Variants in CTHRC1 observed in about 807,000 individuals in gnomAD.
CTHRC1 encodes collagen triple helix repeat containing 1.
In CTHRC1, 21 loss-of-function variants were observed where a neutral mutation model predicts 25.9. The ratio of observed to expected loss-of-function variants is 0.81; its 90% CI spans 0.57 to 1.17. The LOEUF (loss-of-function observed/expected upper bound fraction) is 1.17. Among genes scored for constraint, CTHRC1 ranks in the 50% most tolerant of loss-of-function variants. The pLI is 0.00. For synonymous variants in CTHRC1, 109 were observed against 113.1 expected, an observed-to-expected ratio of 0.96 and a Z score of 0.23; for missense variants, 281 against 304.3, an observed-to-expected ratio of 0.92 and a Z score of 0.57.
chr8:103,374,561 A>C (rs1815771300), intron 1 of CTHRC1, among the ~76,000 whole-genome samples: 1 of 152,160 alleles, frequency 6.6e-6, no homozygotes, highest in African/African-American at 2.4e-5. Flanking sequence ...CAGCATTGGC[A>C]TGTATGGCTT....
At chr8:103,372,655 G>A (rs1303402164) in intron 1 of CTHRC1, 4 of 1,597,704 alleles carry the variant, frequency 2.5e-6, no homozygotes. Context: ...CTCATCTGTG[G>A]GAAGGTATGT....
intron 1 of CTHRC1, chr8:103,372,410 A>G: frequency 6.9e-7 from 1 of 1,451,434 alleles, no homozygotes; most frequent in South Asian, 1.4e-5. Flanking sequence ...TTGGACAACC[A>G]CAGCTGGGGC....
chr8:103,379,949 C>T (rs186699892), intron 3 of CTHRC1, among the ~76,000 whole-genome samples: 33 of 152,150 alleles, frequency 2.2e-4, no homozygotes, highest in African/African-American at 5.1e-4. Context: ...GCGTCTTACA[C>T]GGGACAGTAG....
At chr8:103,376,056 G>T in intron 2 of CTHRC1, 97 bp downstream of exon 2, 1 of 969,380 alleles carries the variant, frequency 1.0e-6, no homozygotes, top group South Asian at 1.4e-5. Flanking sequence ...TTAACTAAAA[G>T]ACTTAAAAAA....
intron 3 of CTHRC1, among the ~76,000 whole-genome samples, chr8:103,379,246 G>GTTTA (rs946299060): frequency 4.0e-5 from 6 of 151,886 alleles, no homozygotes; most frequent in African/African-American, 1.5e-4. Context: ...TTATGTATTT[G>GTTTA]TTTATTTATT....
At chr8:103,378,704 G>A (rs941720225) in intron 3 of CTHRC1, among the ~76,000 whole-genome samples, 4 of 152,164 alleles carry the variant, frequency 2.6e-5, no homozygotes, top group Non-Finnish European at 5.9e-5. Context: ...TGCAGACTTG[G>A]CAATGGGACT....
chr8:103,376,082 T>G, intron 2 of CTHRC1, 123 bp downstream of exon 2: 1 of 749,502 alleles, frequency 1.3e-6, no homozygotes, highest in Admixed American at 2.5e-5. Context: ...GTAGGTAGCA[T>G]GTGACTTTTA....
chr8:103,377,493 G>A (rs145167499), intron 2 of CTHRC1, among the ~76,000 whole-genome samples: 131 of 152,312 alleles, frequency 8.6e-4, no homozygotes, highest in Middle Eastern at 6.8e-3. Flanking sequence ...TCAATGGGGC[G>A]AAAAGTTCTG....
intron 2 of CTHRC1, among the ~76,000 whole-genome samples, chr8:103,377,635 A>G (rs1016300129): frequency 1.3e-5 from 2 of 152,146 alleles, no homozygotes; most frequent in Admixed American, 1.3e-4. Flanking sequence ...ACAGAGTCTC[A>G]CTTTTTTGCC....
chr8:103,381,502 A>G (rs1463969314), intron 3 of CTHRC1, among the ~76,000 whole-genome samples: 3 of 151,664 alleles, frequency 2.0e-5, no homozygotes, highest in Non-Finnish European at 2.9e-5. Flanking sequence ...GTAAGATGGA[A>G]TGCAACTTGT....
chr8:103,372,447 C>T (rs1586550233), intron 1 of CTHRC1: 4 of 1,536,598 alleles, frequency 2.6e-6, no homozygotes, highest in East Asian at 4.7e-5. Context: ...GGTTTAAGGC[C>T]GGAAAGGGAA....
intron 1 of CTHRC1, 73 bp downstream of exon 1, chr8:103,371,879 G>A (rs1014204059): frequency 4.6e-5 from 64 of 1,399,326 alleles, no homozygotes; most frequent in Non-Finnish European, 6.0e-5. Flanking sequence ...CACGGGCAGG[G>A]CGTCAGTCTG....
chr8:103,372,642 G>C (rs1429920296), intron 1 of CTHRC1: 1 of 1,597,962 alleles, frequency 6.3e-7, no homozygotes, highest in Non-Finnish European at 8.5e-7. Context: ...TGCTTTCCAG[G>C]GGCTCATCTG....
At chr8:103,374,994 A>G (rs1469473806) in intron 1 of CTHRC1, among the ~76,000 whole-genome samples, 2 of 152,152 alleles carry the variant, frequency 1.3e-5, no homozygotes, top group Admixed American at 1.3e-4. Flanking sequence ...GTCCTTACAG[A>G]CAGTTTGACA....
intron 3 of CTHRC1, among the ~76,000 whole-genome samples, chr8:103,378,700 C>G (rs747437887): frequency 1.4e-4 from 22 of 152,182 alleles, no homozygotes; most frequent in Non-Finnish European, 2.9e-4. Flanking sequence ...TGGGTGCAGA[C>G]TTGGCAATGG....
chr8:103,378,051 T>G lies in CTHRC1; in HGVS notation c.397T>G (p.Ser133Ala), dbSNP rs1815840631. Residue 133 changes from serine (S) to alanine (A), a missense_variant, in exon 3 of 4, where the codon TCA becomes GCA. Physicochemically the swap from Ser to Ala is moderately conservative, Grantham distance 99. Coordinates refer to ENST00000330295, the MANE Select transcript of CTHRC1 (RefSeq NM_138455.4). ...IAECTFTKMR[S>A]NSALRVLFSG... ...GGAGTGTACATTTACAAAGATGCGTTCAAATAGTGCTCTAAGAGTTTTGTT... is the reference window on the plus strand; with the variant it reads ...GGAGTGTACATTTACAAAGATGCGTGCAAATAGTGCTCTAAGAGTTTTGTT... 2 of 1,613,912 alleles carry G rather than the reference T, an allele frequency of 1.2e-6. No homozygotes were observed. The highest frequency in any genetic ancestry group is 1.7e-5 in the Admixed American group (1 of 60,010).
intron 1 of CTHRC1, 143 bp downstream of exon 1, chr8:103,371,949 C>A: frequency 2.4e-6 from 2 of 850,278 alleles, no homozygotes; most frequent in Non-Finnish European, 3.4e-6. Context: ...GCCGGGGTGT[C>A]ATGCTTTTTA....
intron 1 of CTHRC1, among the ~76,000 whole-genome samples, chr8:103,375,212 A>G (rs1309851727): frequency 6.6e-6 from 1 of 152,216 alleles, no homozygotes; most frequent in Non-Finnish European, 1.5e-5. Flanking sequence ...TTAAGATTTT[A>G]TTTTATAATT....
chr8:103,375,724 C>A lies in CTHRC1; in HGVS notation c.151-14C>A. The A allele has an allele frequency of 6.2e-7, 1 of 1,608,044 alleles. No individual in the cohort carries two copies. Among genetic ancestry groups the A allele is most frequent in the Non-Finnish European group, 8.5e-7 (1 of 1,174,508 alleles). ...GTGGTGAGAGTTTTCTTTGCCTTTT[C>A]TTTCTCATTATAGTATAATGGAATG... On this transcript the variant is annotated splice_polypyrimidine_tract_variant and intron_variant, in intron 1 of 3. Coordinates refer to ENST00000330295, the MANE Select transcript of CTHRC1 (RefSeq NM_138455.4).
Sources: allele counts gnomAD v4.1 joint callset (sites outside exome capture counted in the v4.1 genomes callset), GRCh38; gene constraint gnomAD v4.1.1; transcripts MANE v1.5; gene names NCBI Gene and HGNC (gene_info 2026-07-23, HGNC 2026-07-21).